Variants in HLCS observed in about 807,000 individuals in gnomAD.
HLCS encodes biotin--protein ligase.
A neutral mutation model predicts 75.0 loss-of-function variants in HLCS; 53 were observed. That is an observed-to-expected ratio of 0.71 (90% CI 0.57 to 0.89). The LOEUF (loss-of-function observed/expected upper bound fraction) is 0.89, where lower values mean the gene tolerates loss of function less well. Among genes scored for constraint, HLCS ranks in the 40% least tolerant of loss-of-function variants. HLCS has a pLI of 0.00. For missense variants in HLCS, 966 were observed against 1,074.0 expected (o/e 0.90, Z 1.41); for synonymous variants, 431 against 428.6 (o/e 1.01, Z -0.07).
upstream of HLCS, chr21:36,966,697 G>A: frequency 5.7e-6 from 5 of 876,506 alleles, no homozygotes; most frequent in Non-Finnish European, 6.8e-6. Context: ...CCCCAGGCCC[G>A]GCCCCGCCCC....
chr21:36,828,366 GGAATGAATGAAT>G (rs55892136), intron 6 of HLCS, among the ~76,000 whole-genome samples: 198 of 151,060 alleles, frequency 1.3e-3, no homozygotes, highest in African/African-American at 4.4e-3. Flanking sequence ...AGAAGTGTGT[GGAATGAATGAAT>G]GAATGAATGA....
chr21:36,924,802 G>C (rs1401661528), intron 5 of HLCS, among the ~76,000 whole-genome samples: 1 of 152,098 alleles, frequency 6.6e-6, no homozygotes, highest in Non-Finnish European at 1.5e-5. Flanking sequence ...TACTTAGTAG[G>C]CACACAGATG....
chr21:36,857,403 C>T (rs1322236329), intron 6 of HLCS, among the ~76,000 whole-genome samples: 4 of 152,192 alleles, frequency 2.6e-5, no homozygotes, highest in South Asian at 2.1e-4. Flanking sequence ...AGAGAACCTC[C>T]GTCTCCTTGC....
At chr21:36,978,971 T>C (rs2069022673) in intron 1 of HLCS, among the ~76,000 whole-genome samples, 2 of 130,092 alleles carry the variant, frequency 1.5e-5, no homozygotes, top group African/African-American at 2.8e-5. Flanking sequence ...TCACACTGCT[T>C]AAAAGAAAAA....
At chr21:36,834,626 G>A (rs1215807002) in intron 6 of HLCS, among the ~76,000 whole-genome samples, 1 of 152,192 alleles carries the variant, frequency 6.6e-6, no homozygotes, top group Non-Finnish European at 1.5e-5. Flanking sequence ...CACGATCTTG[G>A]CTCACTGCAA....
chr21:36,915,334 T>A (rs565200683), intron 5 of HLCS, among the ~76,000 whole-genome samples: 1 of 152,336 alleles, frequency 6.6e-6, no homozygotes, highest in African/African-American at 2.4e-5. Flanking sequence ...AATTTTAACA[T>A]CATGTTATGT....
chr21:36,812,703 A>T (rs1271363862), intron 6 of HLCS, among the ~76,000 whole-genome samples: 1 of 152,198 alleles, frequency 6.6e-6, no homozygotes, highest in Non-Finnish European at 1.5e-5. Flanking sequence ...ATACCAATAT[A>T]CAGAAAAAAT....
intron 6 of HLCS, among the ~76,000 whole-genome samples, chr21:36,851,348 C>T (rs1261035391): frequency 3.9e-5 from 6 of 152,098 alleles, no homozygotes; most frequent in Admixed American, 3.3e-4. Context: ...TATCCAGCCA[C>T]AAAAAAGAAT....
chr21:36,806,330 C>T (rs573532357), intron 6 of HLCS: 1 of 152,280 alleles, frequency 6.6e-6, no homozygotes, highest in South Asian at 2.1e-4. Flanking sequence ...CTGCCCTGGC[C>T]CACAGTGTGG....
intron 1 of HLCS, among the ~76,000 whole-genome samples, chr21:36,977,952 T>G (rs1198678756): frequency 2.0e-5 from 3 of 152,174 alleles, no homozygotes; most frequent in East Asian, 3.8e-4. Flanking sequence ...TCATGAGCGC[T>G]CTTCGTGGGG....
chr21:36,767,141 C>T lies in HLCS; in HGVS notation c.1960+77G>A, dbSNP rs561310824. Reference sequence around the variant, plus strand: ...CCCCCAGATGATCAGCACACACATTCAATGGGCTCCTGGGCCACAAGAGTT... The same window carrying T: ...CCCCCAGATGATCAGCACACACATTTAATGGGCTCCTGGGCCACAAGAGTT... On this transcript the variant is annotated intron_variant, in intron 7 of 10. Transcript: ENST00000674895. The T allele has an allele frequency of 5.1e-5, 72 of 1,406,080 alleles. No homozygotes were observed. The South Asian group carries it at 7.1e-4, about 14-fold the overall frequency. The allele number at this position is 1,406,080 out of a possible 1,614,324, so 87.1% of individuals were successfully genotyped here.
At chr21:36,890,277 G>A (rs996653271) in intron 6 of HLCS, among the ~76,000 whole-genome samples, 1 of 152,192 alleles carries the variant, frequency 6.6e-6, no homozygotes, top group Non-Finnish European at 1.5e-5. Flanking sequence ...TCCAGAAGGT[G>A]TTACCCTGAC....
intron 6 of HLCS, among the ~76,000 whole-genome samples, chr21:36,844,775 A>G (rs1273389089): frequency 4.6e-5 from 7 of 152,100 alleles, no homozygotes; most frequent in Admixed American, 6.5e-5. Flanking sequence ...AAGCAAGAAT[A>G]AGGGTCGACT....
At chr21:36,893,202 C>T (rs2064866293) in intron 6 of HLCS, among the ~76,000 whole-genome samples, 1 of 152,130 alleles carries the variant, frequency 6.6e-6, no homozygotes, top group Non-Finnish European at 1.5e-5. Flanking sequence ...TCTTGAGTAG[C>T]TGGGATTACA....
intron 9 of HLCS, among the ~76,000 whole-genome samples, chr21:36,757,880 AG>A (rs1336147346): frequency 6.6e-6 from 1 of 152,204 alleles, no homozygotes; most frequent in Non-Finnish European, 1.5e-5. Flanking sequence ...AGTGCTGTAC[AG>A]CACTGAAAAT....
At position 36,771,680 on chromosome 21, in the gene HLCS, G is replaced by C. The variant is rs144313509; in HGVS notation, c.1893-4395C>G. ...ATGCAAAATCCTACAGACAGCGTGA[G>C]TCCAATCATGTTTTGAAGTATGCTT... On this transcript the variant is annotated intron_variant, in intron 6 of 10. Transcript: ENST00000674895. 5.9e-3 allele frequency among the ~76,000 whole-genome samples: 899 copies of C among 152,294 alleles called. 21 individuals carry two copies. The highest frequency in any genetic ancestry group is 0.017 in the Admixed American group (267 of 15,302).
chr21:36,784,495 T>C (rs1418821338), intron 6 of HLCS, among the ~76,000 whole-genome samples: 1 of 152,006 alleles, frequency 6.6e-6, no homozygotes, highest in Admixed American at 6.6e-5. Flanking sequence ...TTTGTATTTT[T>C]AGTAGAGATC....
At position 36,780,933 on chromosome 21, in the gene HLCS, A is replaced by AC. The variant is rs1248821353; in HGVS notation, c.1893-13649dup. On this transcript the variant is annotated intron_variant, in intron 6 of 10. Transcript: ENST00000674895. ...AGGGCAGAGTCCCCAGCTCTGCCCC[A>AC]CCCCCCCACCCCCCAGGCTGCACAG... 1.2e-3 allele frequency among the ~76,000 whole-genome samples: 77 copies of AC among 66,436 alleles called. 1 individual carries two copies. Among genetic ancestry groups the AC allele is most frequent in the African/African-American group, 1.9e-3 (34 of 18,260 alleles). The allele number at this position is 66,436 out of a possible 152,430, so 43.6% of individuals were successfully genotyped here.
rs1335465443 is a variant in HLCS at position 36,988,753 on chromosome 21, G to A, written c.-393+1405C>T. On this transcript the variant is annotated intron_variant, in intron 1 of 11. Transcript: ENST00000336648. The stretch of plus-strand genomic sequence containing the variant: ...CAACGGGATCAGTTAGAACCGTGAT[G>A]GTATCTCAGAGTACCCTGCATTTCT... Among the ~76,000 whole-genome samples the A allele has an allele frequency of 2.0e-5, 3 of 152,234 alleles. No homozygotes were observed. The East Asian group carries it at 5.8e-4, about 29-fold the overall frequency.
Sources: gnomAD v4.1 joint callset for allele counts (sites outside exome capture counted in the v4.1 genomes callset) on GRCh38, gnomAD v4.1.1 for gene constraint, MANE v1.5 for transcripts, NCBI Gene and HGNC (gene_info 2026-07-23, HGNC 2026-07-21) for gene names.